Variants in ESRRG observed in about 807,000 individuals in gnomAD.
ESRRG encodes estrogen related receptor gamma.
In ESRRG, 13 loss-of-function variants were observed where a neutral mutation model predicts 44.0. The ratio of observed to expected loss-of-function variants is 0.30; its 90% CI spans 0.19 to 0.47. The LOEUF (loss-of-function observed/expected upper bound fraction) is 0.47. Among genes scored for constraint, ESRRG ranks in the 20% least tolerant of loss-of-function variants. ESRRG has a pLI of 1.00. For synonymous variants in ESRRG, 215 were observed against 214.6 expected (o/e 1.00, Z -0.02); for missense variants, 395 against 580.6 (o/e 0.68, Z 3.29).
chr1:216,795,477 A>C (rs2094448033), intron 2 of ESRRG, among the ~76,000 whole-genome samples: 1 of 150,408 alleles, frequency 6.6e-6, no homozygotes, highest in Admixed American at 6.7e-5. Flanking sequence ...AGTAACTGGG[A>C]TTACAGGCAT....
chr1:216,776,839 G>A (rs377414903), intron 2 of ESRRG, among the ~76,000 whole-genome samples: 6 of 152,130 alleles, frequency 3.9e-5, no homozygotes, highest in African/African-American at 1.4e-4. Context: ...TAGCACTGAG[G>A]CAACACTAGA....
chr1:216,896,341 A>G (rs1023653831), intron 2 of ESRRG, among the ~76,000 whole-genome samples: 9 of 152,168 alleles, frequency 5.9e-5, no homozygotes, highest in African/African-American at 2.2e-4. Context: ...AAACACAAAC[A>G]TAAAAGCAAA....
chr1:216,671,828 T>A (rs1444581971), intron 2 of ESRRG, among the ~76,000 whole-genome samples: 1 of 152,158 alleles, frequency 6.6e-6, no homozygotes, highest in Admixed American at 6.5e-5. Context: ...CAAAGAAAAC[T>A]ATTTATAAAA....
intron 1 of ESRRG, among the ~76,000 whole-genome samples, chr1:217,064,098 T>C (rs2089165845): frequency 6.6e-6 from 1 of 151,806 alleles, no homozygotes; most frequent in Admixed American, 6.6e-5. Flanking sequence ...AGCACAAGGG[T>C]TTAGTATATG....
At chr1:217,086,647 A>G (rs542556650) in intron 1 of ESRRG, among the ~76,000 whole-genome samples, 1 of 152,338 alleles carries the variant, frequency 6.6e-6, no homozygotes, top group African/African-American at 2.4e-5. Flanking sequence ...TGACCATTAC[A>G]TAACCTATCT....
At chr1:216,954,898 T>C (rs2067662273) in intron 1 of ESRRG, among the ~76,000 whole-genome samples, 1 of 152,160 alleles carries the variant, frequency 6.6e-6, no homozygotes, top group African/African-American at 2.4e-5. Flanking sequence ...GTTGGGTTTC[T>C]GTTCCCTTTA....
At chr1:216,704,963 G>T (rs1349791739) in intron 1 of ESRRG, among the ~76,000 whole-genome samples, 15 of 152,106 alleles carry the variant, frequency 9.9e-5, no homozygotes, top group Non-Finnish European at 1.3e-4. Context: ...AGTCCACAAT[G>T]ACACTACAGC....
intron 6 of ESRRG, among the ~76,000 whole-genome samples, chr1:216,508,356 G>A (rs918084666): frequency 2.0e-5 from 3 of 151,872 alleles, no homozygotes; most frequent in Admixed American, 6.6e-5. Flanking sequence ...CCATATCACT[G>A]GTGAACTGAC....
chr1:216,787,563 C>T (rs1171054946), intron 2 of ESRRG, among the ~76,000 whole-genome samples: 1 of 138,060 alleles, frequency 7.2e-6, no homozygotes, highest in African/African-American at 2.7e-5. Context: ...GATGATACTA[C>T]TGCACTCCAG....
intron 1 of ESRRG, among the ~76,000 whole-genome samples, chr1:217,003,671 A>G (rs2077364387): frequency 6.6e-6 from 1 of 150,614 alleles, no homozygotes; most frequent in African/African-American, 2.5e-5. Context: ...TCAGTAATTC[A>G]TTTGTTATTG....
chr1:216,572,892 A>G (rs542127805), intron 3 of ESRRG, among the ~76,000 whole-genome samples: 61 of 152,062 alleles, frequency 4.0e-4, no homozygotes, highest in Non-Finnish European at 7.5e-4. Flanking sequence ...GACTTAAGCT[A>G]TGATTTCTCA....
At chr1:216,759,462 T>C (rs550242331) in intron 2 of ESRRG, among the ~76,000 whole-genome samples, 46 of 152,208 alleles carry the variant, frequency 3.0e-4, no homozygotes, top group African/African-American at 1.1e-3. Flanking sequence ...CCCCATTCAC[T>C]CAAGGCCTTT....
chr1:216,552,139 T>A (rs1467301970), intron 5 of ESRRG, among the ~76,000 whole-genome samples: 1 of 152,096 alleles, frequency 6.6e-6, no homozygotes, highest in African/African-American at 2.4e-5. Flanking sequence ...AAAATAACTT[T>A]CCTAAAACAT....
chr1:216,567,888 C>G (rs1306724885), intron 4 of ESRRG, 100 bp downstream of exon 4: 2 of 734,010 alleles, frequency 2.7e-6, no homozygotes, highest in Non-Finnish European at 4.9e-6. Context: ...AGAGAAGTCT[C>G]CTTGGAGTCA....
intron 1 of ESRRG, among the ~76,000 whole-genome samples, chr1:217,022,793 A>G (rs1041140610): frequency 3.3e-5 from 5 of 152,078 alleles, no homozygotes; most frequent in Non-Finnish European, 7.4e-5. Flanking sequence ...CATTGTAGGC[A>G]CTCAAGCTGT....
chr1:216,858,917 T>G (rs1210333621), intron 2 of ESRRG, among the ~76,000 whole-genome samples: 1 of 152,216 alleles, frequency 6.6e-6, no homozygotes, highest in Non-Finnish European at 1.5e-5. Flanking sequence ...CTGACCCTAG[T>G]TGGCATGGAC....
At chr1:216,528,703 A>T (rs1159810166) in intron 5 of ESRRG, among the ~76,000 whole-genome samples, 1 of 152,140 alleles carries the variant, frequency 6.6e-6, no homozygotes, top group Middle Eastern at 3.2e-3. Context: ...GCTTCTCATG[A>T]GAACATTTTC....
intron 1 of ESRRG, among the ~76,000 whole-genome samples, chr1:217,056,262 G>T (rs903082119): frequency 6.6e-6 from 1 of 152,012 alleles, no homozygotes; most frequent in Non-Finnish European, 1.5e-5. Context: ...ACACCAAAAG[G>T]ATTAGGGTGT....
chr1:216,588,800 C>G (rs1451039165), intron 3 of ESRRG, among the ~76,000 whole-genome samples: 1 of 152,042 alleles, frequency 6.6e-6, no homozygotes, highest in African/African-American at 2.4e-5. Context: ...AGAAGGGAAA[C>G]AAGGAAAGCA....
Sources: gnomAD v4.1 joint callset for allele counts (sites outside exome capture counted in the v4.1 genomes callset) on GRCh38, gnomAD v4.1.1 for gene constraint, MANE v1.5 for transcripts, NCBI Gene and HGNC (gene_info 2026-07-23, HGNC 2026-07-21) for gene names.